LTBP1: variants seen among roughly 807,000 people sequenced by gnomAD.
The protein encoded by LTBP1 is latent transforming growth factor beta binding protein 1, also known as latent-transforming growth factor beta-binding protein 1.
In LTBP1, 129 loss-of-function variants were observed where a neutral mutation model predicts 207.6. The observed-to-expected ratio is 0.62, with a 90% CI of 0.54 to 0.72. The LOEUF (loss-of-function observed/expected upper bound fraction) is 0.72, where lower values mean the gene tolerates loss of function less well. Ranked by LOEUF, LTBP1 falls within the 30% of genes least tolerant of loss-of-function variation. The pLI is 0.00. For synonymous variants in LTBP1, 963 were observed against 833.7 expected (o/e 1.16, Z -2.67); for missense variants, 2,281 against 2,217.2 (o/e 1.03, Z -0.58).
At position 33,398,363 on chromosome 2, in the gene LTBP1, G is replaced by A; in HGVS notation, c.4985-1G>A. The A allele has an allele frequency of 6.2e-7, 1 of 1,613,078 alleles. No individual in the cohort carries two copies. On this transcript the variant is annotated splice_acceptor_variant, in intron 33 of 33. Coordinates refer to ENST00000404816, the MANE Select transcript of LTBP1 (RefSeq NM_206943.4). LOFTEE classifies it high-confidence loss of function. ...TACCTGCATGGCTTGACTTATTGCA[G>A]ATGTAAATGAATGCGATGAGTTGAA...
At chr2:33,248,823 G>A (rs929577403) in intron 10 of LTBP1, among the ~76,000 whole-genome samples, 2 of 152,240 alleles carry the variant, frequency 1.3e-5, no homozygotes, top group African/African-American at 4.8e-5. Context: ...CTAACCTCAC[G>A]TGATCCGCCC....
At chr2:33,201,077 A>C (rs1210582239) in intron 7 of LTBP1, among the ~76,000 whole-genome samples, 3 of 152,318 alleles carry the variant, frequency 2.0e-5, no homozygotes, top group Admixed American at 2.0e-4. Flanking sequence ...GGCAATTCCT[A>C]AGGGATCTAG....
intron 2 of LTBP1, among the ~76,000 whole-genome samples, chr2:32,976,436 T>C (rs1347361415): frequency 6.6e-6 from 1 of 152,230 alleles, no homozygotes; most frequent in African/African-American, 2.4e-5. Flanking sequence ...TAAGTTTTCA[T>C]AGGCACTATA....
At chr2:33,216,538 A>C (rs13417561) in intron 7 of LTBP1, among the ~76,000 whole-genome samples, 197 of 152,244 alleles carry the variant, frequency 1.3e-3, no homozygotes, top group African/African-American at 4.6e-3. Context: ...GAAAGTTTTT[A>C]ATCGGTAATG....
intron 2 of LTBP1, among the ~76,000 whole-genome samples, chr2:32,978,140 A>C (rs538195618): frequency 6.6e-6 from 1 of 152,322 alleles, no homozygotes; most frequent in Non-Finnish European, 1.5e-5. Flanking sequence ...TTTTCCAAAA[A>C]TAAGATCATA....
At chr2:33,286,687 C>T (rs2093670384) in intron 19 of LTBP1, among the ~76,000 whole-genome samples, 1 of 152,144 alleles carries the variant, frequency 6.6e-6, no homozygotes, top group South Asian at 2.1e-4. Context: ...ACCCAAATGT[C>T]CAACAATGAT....
chr2:33,061,609 A>G (rs1394171488), intron 3 of LTBP1, among the ~76,000 whole-genome samples: 1 of 152,162 alleles, frequency 6.6e-6, no homozygotes, highest in Non-Finnish European at 1.5e-5. Context: ...TATTTGTGGA[A>G]TGTGTTAATA....
In LTBP1 at chr2:33,284,800, AAGCTT is replaced by A. The variant is rs2093630959; in HGVS notation, c.3112+4645_3112+4649del. Among the ~76,000 whole-genome samples, 3 of 152,308 alleles carry A rather than the reference AAGCTT, an allele frequency of 2.0e-5. No individual in the cohort carries two copies. In the South Asian group the frequency reaches 6.2e-4, roughly 32 times the overall value. On this transcript the variant is annotated intron_variant, in intron 19 of 33. Transcript: ENST00000404816. ...GAGTTTGGGCTACATGACCTCTCTG[AAGCTT>A]AGTTTTATTATCTGTAAAATGGGGA... is the stretch of plus-strand genomic sequence containing the variant.
At chr2:33,118,209 A>C (rs199520925) in intron 4 of LTBP1, among the ~76,000 whole-genome samples, 2 of 151,602 alleles carry the variant, frequency 1.3e-5, no homozygotes, top group Non-Finnish European at 2.9e-5. Flanking sequence ...AAAAACAAAA[A>C]AAAAACAACA....
At chr2:33,341,729 A>AAATATATATATAT (rs745445793) in intron 24 of LTBP1, among the ~76,000 whole-genome samples, 143 of 93,608 alleles carry the variant, frequency 1.5e-3, no homozygotes, top group Middle Eastern at 5.9e-3. Flanking sequence ...AAAAAAAAAA[A>AAATATATATATAT]ATATATATAT....
At chr2:33,173,795 A>T (rs2085727434) in intron 5 of LTBP1, among the ~76,000 whole-genome samples, 1 of 142,678 alleles carries the variant, frequency 7.0e-6, no homozygotes, top group South Asian at 2.2e-4. Flanking sequence ...CACATCCAAA[A>T]GCTTATCCAC....
chr2:33,382,052 A>G (rs942515435), intron 31 of LTBP1, among the ~76,000 whole-genome samples: 2 of 137,780 alleles, frequency 1.5e-5, no homozygotes, highest in African/African-American at 5.4e-5. Flanking sequence ...CTGCATCTAC[A>G]GCAGTTAGCG....
chr2:33,265,143 T>C (rs573794510), intron 15 of LTBP1, among the ~76,000 whole-genome samples: 23 of 152,308 alleles, frequency 1.5e-4, no homozygotes, highest in Admixed American at 1.3e-3. Flanking sequence ...TTACACAGTC[T>C]AACAATTCAA....
At chr2:33,249,323 TCACA>T (rs61249844) in intron 10 of LTBP1, among the ~76,000 whole-genome samples, 13,417 of 141,280 alleles carry the variant, frequency 0.095, 711 homozygotes, top group East Asian at 0.23. Flanking sequence ...GTCTGATTTT[TCACA>T]CACACACACA....
chr2:33,159,098 T>C (rs1045863571), intron 5 of LTBP1, among the ~76,000 whole-genome samples: 4 of 152,202 alleles, frequency 2.6e-5, no homozygotes, highest in Non-Finnish European at 5.9e-5. Flanking sequence ...CAGCCCTGTA[T>C]GTGCTTCTGT....
intron 5 of LTBP1, among the ~76,000 whole-genome samples, chr2:33,160,293 G>T (rs2084350464): frequency 6.6e-6 from 1 of 152,218 alleles, no homozygotes; most frequent in South Asian, 2.1e-4. Flanking sequence ...GGCTTGAGGA[G>T]ACTTGCCCCT....
chr2:33,341,871 T>C (rs1228034900), intron 24 of LTBP1, among the ~76,000 whole-genome samples: 1 of 151,942 alleles, frequency 6.6e-6, no homozygotes, highest in East Asian at 1.9e-4. Flanking sequence ...TTACCTGATT[T>C]CATTATTTGA....
intron 3 of LTBP1, among the ~76,000 whole-genome samples, chr2:33,043,522 C>A (rs1014768790): frequency 1.3e-5 from 2 of 152,042 alleles, no homozygotes; most frequent in South Asian, 4.2e-4. Flanking sequence ...GAGCCACGTG[C>A]GCAGACCATG....
intron 9 of LTBP1, among the ~76,000 whole-genome samples, chr2:33,233,095 A>G (rs1312564590): frequency 6.6e-6 from 1 of 152,228 alleles, no homozygotes; most frequent in South Asian, 2.1e-4. Flanking sequence ...TCTTTCCTCA[A>G]ATTTGAAAAG....
Sources: gnomAD v4.1 joint callset for allele counts (sites outside exome capture counted in the v4.1 genomes callset) on GRCh38, gnomAD v4.1.1 for gene constraint, MANE v1.5 for transcripts, NCBI Gene and HGNC (gene_info 2026-07-23, HGNC 2026-07-21) for gene names.